The following POLR3A variants were observed in gnomAD, a reference collection of about 807,000 sequenced individuals.
The protein encoded by POLR3A is RNA polymerase III subunit A, also known as DNA-directed RNA polymerase III subunit RPC1.
In POLR3A, 112 loss-of-function variants were observed where a neutral mutation model predicts 152.8. That is an observed-to-expected ratio of 0.73 (90% confidence interval 0.63 to 0.86). POLR3A has a LOEUF of 0.86. Among genes scored for constraint, POLR3A ranks in the 40% least tolerant of loss-of-function variants. The pLI is 0.00. For missense variants in POLR3A, 1,385 were observed against 1,743.1 expected (o/e 0.79, Z 3.66); for synonymous variants, 615 against 652.1 (o/e 0.94, Z 0.87).
In POLR3A at chr10:77,983,999, A is replaced by G. The variant is rs762055380; in HGVS notation, c.3350T>C (p.Ile1117Thr). The change falls in exon 26 of 31, where the codon ATT becomes ACT. Residue 1117 changes from isoleucine (I) to threonine (T), a missense_variant. Ile to Thr is a moderately conservative substitution (Grantham distance 89). Around this residue, in one of 7 missense-constraint regions of POLR3A, gnomAD observed 332 missense variants for 400.1 expected, o/e 0.83. Coordinates refer to ENST00000372371, the MANE Select transcript of POLR3A (RefSeq NM_007055.4). ...KTLLGEISEY[I>T]EEVFLPDDCF... ...GTCATCAGGAAGAAACACTTCTTCA[A>G]TATACTCGGAAATCTGGAGTGTCAA... 36 of 1,608,002 alleles carry G rather than the reference A, an allele frequency of 2.2e-5. No homozygotes were observed. The South Asian group carries it at 3.4e-4, about 15-fold the overall frequency.
At chr10:77,987,515 G>A (rs1457081555) in intron 21 of POLR3A, among the ~76,000 whole-genome samples, 2 of 152,094 alleles carry the variant, frequency 1.3e-5, no homozygotes, top group African/African-American at 2.4e-5. Flanking sequence ...GGGGTAGGCT[G>A]AGGGTCCCCC....
intron 16 of POLR3A, among the ~76,000 whole-genome samples, chr10:78,002,861 G>T (rs1395851952): frequency 2.6e-5 from 4 of 152,020 alleles, no homozygotes; most frequent in African/African-American, 9.7e-5. Flanking sequence ...CCTTTAAATG[G>T]CCCATAAGGT....
chr10:77,997,736 A>G (rs193220543), intron 19 of POLR3A, among the ~76,000 whole-genome samples: 175 of 152,004 alleles, frequency 1.2e-3, no homozygotes, highest in Non-Finnish European at 1.9e-3. Flanking sequence ...TGCCCAAGGT[A>G]ATTTATAGAC....
chr10:78,024,780 G>T, intron 4 of POLR3A, 77 bp from the exon 5 acceptor site: 3 of 1,400,112 alleles, frequency 2.1e-6, no homozygotes, highest in South Asian at 1.2e-5. Context: ...TATGGTTAAT[G>T]AAATTACTGA....
chr10:78,001,636 C>T (rs181956622), intron 17 of POLR3A, among the ~76,000 whole-genome samples: 1 of 152,044 alleles, frequency 6.6e-6, no homozygotes, highest in Admixed American at 6.6e-5. Context: ...GCTTTGAGGG[C>T]CTCGGTATCT....
At chr10:77,978,320 C>T (rs1399053354) in intron 30 of POLR3A, among the ~76,000 whole-genome samples, 4 of 152,232 alleles carry the variant, frequency 2.6e-5, no homozygotes, top group African/African-American at 4.8e-5. Flanking sequence ...ACCAAGGAAC[C>T]GGAGAGGCAA....
At position 77,993,178 on chromosome 10, in the gene POLR3A, A is replaced by G; in HGVS notation, c.2787+19T>C. On this transcript the variant is annotated intron_variant, in intron 20 of 30. Transcript: ENST00000372371. The stretch of plus-strand genomic sequence containing the variant: ...ATCCTTAAAAACACTCTAACCCCAG[A>G]TATAATGCTAAATCTTACTTTGATG... 6.2e-7 allele frequency: 1 copy of G among 1,600,240 alleles called. No homozygotes were observed. The highest frequency in any genetic ancestry group is 8.6e-7 in the Non-Finnish European group (1 of 1,167,296).
chr10:77,982,408 A>G (rs1847155791), intron 27 of POLR3A, 90 bp from the exon 28 acceptor site: 1 of 1,248,296 alleles, frequency 8.0e-7, no homozygotes, highest in Non-Finnish European at 1.2e-6. Context: ...AGCAGTGGTC[A>G]TCTGTTAACA....
intron 1 of POLR3A, among the ~76,000 whole-genome samples, chr10:78,028,380 G>GT (rs1276084401): frequency 6.6e-6 from 1 of 152,040 alleles, no homozygotes; most frequent in Non-Finnish European, 1.5e-5. Context: ...TGCACTTGTC[G>GT]TACCCAGTGT....
chr10:78,003,893 C>T (rs1847383965), intron 16 of POLR3A, among the ~76,000 whole-genome samples: 1 of 152,030 alleles, frequency 6.6e-6, no homozygotes, highest in South Asian at 2.1e-4. Context: ...TGCACCACTG[C>T]ACTCCAGCCT....
intron 15 of POLR3A, among the ~76,000 whole-genome samples, chr10:78,006,801 T>C (rs1284246543): frequency 2.6e-5 from 4 of 152,116 alleles, no homozygotes; most frequent in African/African-American, 9.7e-5. Flanking sequence ...ACAGAGAGGA[T>C]TCTGAAAGTT....
At position 77,982,217 on chromosome 10, in the gene POLR3A, C is replaced by T; in HGVS notation, c.3696G>A (p.Leu1232=). The T allele has an allele frequency of 6.2e-7, 1 of 1,614,084 alleles. No homozygotes were observed. The highest frequency in any genetic ancestry group is 8.5e-7 in the Non-Finnish European group (1 of 1,180,028). Residue 1232 remains leucine (L), a synonymous_variant, in exon 28 of 31, where the codon CTG becomes CTA. Coordinates refer to ENST00000372371, the MANE Select transcript of POLR3A (RefSeq NM_007055.4). ...KYKLLVEGDN[L]RAVMATHGVK... ...CACCGTGTGTGGCCATGACTGCCCGCAGGTTATCACCTTCCACCAGAAGCT... is the reference window on the plus strand; with the variant it reads ...CACCGTGTGTGGCCATGACTGCCCGTAGGTTATCACCTTCCACCAGAAGCT...
Position 77,985,441 on chromosome 10 carries a change from T to C in POLR3A, c.3072-101A>G, listed in dbSNP as rs145454845. 895 of 910,006 alleles carry C rather than the reference T, an allele frequency of 9.8e-4. 7 individuals carry two copies. The African/African-American group carries it at 0.012, about 12-fold the overall frequency. The allele number at this position is 910,006 out of a possible 1,614,324, so 56.4% of individuals were successfully genotyped here. A position where few individuals can be genotyped will look rare whatever the true frequency, so the allele number is the denominator to read the frequency against. ...GGTTATCACCTTTCAACAGAGAATA[T>C]AGATGCTATTAGGGTCGGAAAGGGT... On this transcript the variant is annotated intron_variant, in intron 23 of 30. Transcript: ENST00000372371.
chr10:78,029,274 C>G lies in POLR3A; in HGVS notation c.44+90G>C, dbSNP rs529525577. 13 of 1,322,430 alleles carry G rather than the reference C, an allele frequency of 9.8e-6. No individual in the cohort carries two copies. The African/African-American group carries it at 1.9e-4, about 19-fold the overall frequency. The allele number at this position is 1,322,430 out of a possible 1,614,324, so 81.9% of individuals were successfully genotyped here. A position where few individuals can be genotyped will look rare whatever the true frequency, so the allele number is the denominator to read the frequency against. ...ACTGGCCCTCCCCTTCCCATTGCAC[C>G]CCATCTCTGACCCTGCAAGACCCGG... On this transcript the variant is annotated intron_variant, in intron 1 of 30. Coordinates refer to ENST00000372371, the MANE Select transcript of POLR3A (RefSeq NM_007055.4).
rs115020338 is a variant in POLR3A, at chr10:78,009,681, G to T, written c.1771-6C>A. The T allele has an allele frequency of 2.2e-4, 349 of 1,613,902 alleles. No individual in the cohort carries two copies. The East Asian group carries it at 4.5e-3, about 21-fold the overall frequency. The stretch of plus-strand genomic sequence containing the variant: ...CCCGTCCACAGGGTGACAGGCTGAG[G>T]GGGGGAGGAAGCCTGAGAGTCAGTG... On this transcript the variant is annotated splice_polypyrimidine_tract_variant and splice_region_variant and intron_variant, in intron 13 of 30. Transcript: ENST00000372371.
chr10:78,020,444 C>A (rs1272776814), intron 8 of POLR3A, among the ~76,000 whole-genome samples: 1 of 151,590 alleles, frequency 6.6e-6, no homozygotes, highest in East Asian at 1.9e-4. Context: ...GAGCCATGAG[C>A]ACACCACTGC....
chr10:78,022,152 A>G lies in POLR3A; in HGVS notation c.878T>C (p.Ile293Thr), dbSNP rs1589318172. 1 of 1,614,120 alleles carries G rather than the reference A, an allele frequency of 6.2e-7. No individual in the cohort carries two copies. The highest frequency in any genetic ancestry group is 1.3e-5 in the African/African-American group (1 of 74,952). Reference protein sequence around the residue: ...LTEIIFLNDVIKKHRISGAKT... With the variant: ...LTEIIFLNDVTKKHRISGAKT... Reference sequence around the variant, plus strand: ...GAAATGGGAGGCACTGACCTTTTTAATAACATCGTTTAGGAAAATGATTTC... The same window carrying G: ...GAAATGGGAGGCACTGACCTTTTTAGTAACATCGTTTAGGAAAATGATTTC... Residue 293 changes from isoleucine (I) to threonine (T), a missense_variant, in exon 6 of 31, where the codon ATT becomes ACT. By Grantham distance (89) the Ile-to-Thr change is moderately conservative. Around this residue, in one of 7 missense-constraint regions of POLR3A, gnomAD observed 493 missense variants for 647.5 expected, o/e 0.76. Coordinates refer to ENST00000372371, the MANE Select transcript of POLR3A (RefSeq NM_007055.4).
At position 78,001,034 on chromosome 10, in the gene POLR3A, G is replaced by T; in HGVS notation, c.2420C>A (p.Ser807Tyr). ...ACVGQQAISG[S>Y]RVPDGFENRS... ...GTTTTCAAAGCCGTCTGGCACTCGA[G>T]AGCCACTGATGGCCTGCTGTCCCAC... Residue 807 changes from serine to tyrosine, a missense_variant, in exon 18 of 31, where the codon TCT becomes TAT. By Grantham distance (144) the Ser-to-Tyr change is moderately radical. Coordinates refer to ENST00000372371, the MANE Select transcript of POLR3A (RefSeq NM_007055.4). The T allele has an allele frequency of 6.2e-7, 1 of 1,612,768 alleles. No homozygotes were observed. The highest frequency in any genetic ancestry group is 1.1e-5 in the South Asian group (1 of 91,048).
At position 78,024,587 on chromosome 10, in the gene POLR3A, G is replaced by A; in HGVS notation, c.607C>T (p.His203Tyr). 1.2e-6 allele frequency: 2 copies of A among 1,613,942 alleles called. No individual in the cohort carries two copies. The highest frequency in any genetic ancestry group is 2.2e-5 in the South Asian group (2 of 91,072). The change falls in exon 5 of 31, where the codon CAT becomes TAT. Residue 203 changes from histidine (H) to tyrosine (Y), a missense_variant. Around this residue, in one of 7 missense-constraint regions of POLR3A, gnomAD observed 493 missense variants for 647.5 expected, o/e 0.76. Coordinates refer to ENST00000372371, the MANE Select transcript of POLR3A (RefSeq NM_007055.4). ...FLQSFETAIE[H>Y]NKEVEPLLGR... Reference sequence around the variant, plus strand: ...AGCAGAGGCTCCACTTCTTTATTATGTTCAATGGCTGTTTCAAAAGACTGA... The same window carrying A: ...AGCAGAGGCTCCACTTCTTTATTATATTCAATGGCTGTTTCAAAAGACTGA...
Sources: gnomAD v4.1 joint callset for allele counts (sites outside exome capture counted in the v4.1 genomes callset) on GRCh38, gnomAD v4.1.1 for gene constraint, gnomAD v4.1.1 regional missense constraint, MANE v1.5 for transcripts, NCBI Gene and HGNC (gene_info 2026-07-23, HGNC 2026-07-21) for gene names.